PRELID2: variants seen among roughly 807,000 people sequenced by gnomAD.
The protein encoded by PRELID2 is PRELI domain containing 2.
PRELID2 carries 25 observed loss-of-function variants against 28.4 expected under a neutral mutation model. The ratio of observed to expected loss-of-function variants is 0.88; its 90% CI spans 0.64 to 1.23. The LOEUF is 1.23. Ranked by LOEUF, PRELID2 falls within the 50% of genes most tolerant of loss-of-function variation. The pLI is 0.00. For synonymous variants in PRELID2, 76 were observed against 71.6 expected (o/e 1.06, Z -0.31); for missense variants, 201 against 214.4 (o/e 0.94, Z 0.39).
chr5:145,534,461 A>G (rs1752682603), intron 1 of PRELID2, among the ~76,000 whole-genome samples: 2 of 152,076 alleles, frequency 1.3e-5, no homozygotes. Flanking sequence ...CACCATTTAC[A>G]CAAATTATTT....
the PRELID2 span, among the ~76,000 whole-genome samples, chr5:145,287,391 G>A: frequency 2.6e-5 from 4 of 151,948 alleles, no homozygotes; most frequent in Non-Finnish European, 5.9e-5. Flanking sequence ...CTCTCCCTTC[G>A]TCTTGTGATC....
At chr5:145,622,597 T>C (rs535049387) in intron 1 of PRELID2, among the ~76,000 whole-genome samples, 13 of 152,132 alleles carry the variant, frequency 8.5e-5, no homozygotes, top group Admixed American at 7.9e-4. Context: ...TGGGCAAAAA[T>C]AGCATAAACT....
rs114624314 is a variant in PRELID2, at chr5:145,832,493, T to C, written c.75+2684A>G. Among the ~76,000 whole-genome samples the C allele has an allele frequency of 5.5e-3, 842 of 152,272 alleles. 5 individuals are homozygous for C. Among genetic ancestry groups the C allele is most frequent in the African/African-American group, 0.02 (813 of 41,560 alleles). ...AGCTGCCGTGCCCAGCCGGCAAAGT[T>C]GATTCTGAAACCCTGTATTACCTCA... On this transcript the variant is annotated intron_variant, in intron 1 of 6. Coordinates refer to ENST00000683046, the MANE Select transcript of PRELID2 (RefSeq NM_205846.3).
intron 1 of PRELID2, among the ~76,000 whole-genome samples, chr5:145,566,554 A>G (rs1312367863): frequency 6.6e-6 from 1 of 152,122 alleles, no homozygotes; most frequent in African/African-American, 2.4e-5. Flanking sequence ...GAAAAAGTGA[A>G]AAAGGCCCCA....
At chr5:145,696,981 A>C (rs1484267486) in intron 1 of PRELID2, among the ~76,000 whole-genome samples, 1 of 147,490 alleles carries the variant, frequency 6.8e-6, no homozygotes, top group Non-Finnish European at 1.5e-5. Context: ...CAAATGATAG[A>C]GGCAGGGGGT....
chr5:145,356,778 G>A, the PRELID2 span, among the ~76,000 whole-genome samples: 5 of 152,144 alleles, frequency 3.3e-5, 1 homozygote, highest in African/African-American at 1.2e-4. Flanking sequence ...TGATATGTCA[G>A]GTTTGACCCT....
At chr5:145,455,691 ATTCTGT>A in the PRELID2 span, among the ~76,000 whole-genome samples, 1 of 152,152 alleles carries the variant, frequency 6.6e-6, no homozygotes, top group African/African-American at 2.4e-5. Context: ...TAGGTATTTT[ATTCTGT>A]TTGTAGCAAT....
Position 145,800,614 on chromosome 5 carries a change from T to C in PRELID2, c.369-4067A>G, listed in dbSNP as rs145466724. Among the ~76,000 whole-genome samples, 821 of 152,208 alleles carry C rather than the reference T, an allele frequency of 5.4e-3. 8 individuals carry two copies. Among genetic ancestry groups the C allele is most frequent in the East Asian group, 0.018 (95 of 5,176 alleles). ...GAGGGATTAATAAGAGTCTCTTACA[T>C]CATATTCTAACCAATATTTCTTTCT... On this transcript the variant is annotated intron_variant, in intron 4 of 6. Coordinates refer to ENST00000683046, the MANE Select transcript of PRELID2 (RefSeq NM_205846.3).
At chr5:145,508,298 T>TA (rs202174102) in intron 1 of PRELID2, among the ~76,000 whole-genome samples, 1 of 94,916 alleles carries the variant, frequency 1.1e-5, no homozygotes, top group African/African-American at 4.1e-5. Flanking sequence ...ATAGATAGAT[T>TA]AAAAAATGTA....
chr5:145,700,300 G>A (rs1352550966), intron 1 of PRELID2, among the ~76,000 whole-genome samples: 1 of 151,266 alleles, frequency 6.6e-6, no homozygotes, highest in African/African-American at 2.4e-5. Flanking sequence ...ACATGACCTC[G>A]GGCAACTTCA....
At chr5:145,755,545 T>C (rs548497195), downstream of PRELID2, among the ~76,000 whole-genome samples, 76 of 152,344 alleles carry the variant, frequency 5.0e-4, no homozygotes, top group African/African-American at 1.5e-3. Context: ...AAAGACTGCA[T>C]TGACCTGGTT....
chr5:145,665,886 C>T (rs1201371369), intron 1 of PRELID2, among the ~76,000 whole-genome samples: 1 of 150,446 alleles, frequency 6.6e-6, no homozygotes, highest in Non-Finnish European at 1.5e-5. Context: ...TATTATGGCA[C>T]TTTTTATATC....
intron 4 of PRELID2, among the ~76,000 whole-genome samples, chr5:145,801,532 G>A (rs1003098100): frequency 6.6e-6 from 1 of 152,048 alleles, no homozygotes; most frequent in East Asian, 1.9e-4. Flanking sequence ...CTTACTCCTC[G>A]AAACCCAGTA....
chr5:145,380,403 A>C, the PRELID2 span, among the ~76,000 whole-genome samples: 1 of 152,082 alleles, frequency 6.6e-6, no homozygotes, highest in African/African-American at 2.4e-5. Context: ...TGGTACCTTG[A>C]TGGGAGCTGT....
At chr5:145,358,994 C>A in the PRELID2 span, among the ~76,000 whole-genome samples, 1 of 152,152 alleles carries the variant, frequency 6.6e-6, no homozygotes. Context: ...TGGGCACCTG[C>A]CCATCAAAAA....
chr5:145,700,059 C>T (rs1229808672), intron 1 of PRELID2, among the ~76,000 whole-genome samples: 1 of 152,120 alleles, frequency 6.6e-6, no homozygotes, highest in Non-Finnish European at 1.5e-5. Flanking sequence ...TCTCTGTGGT[C>T]ACTTAATTCC....
chr5:145,418,881 A>T, the PRELID2 span, among the ~76,000 whole-genome samples: 1 of 140,102 alleles, frequency 7.1e-6, no homozygotes, highest in African/African-American at 2.7e-5. Context: ...CCTCCCCCCT[A>T]CCCCCACCCC....
chr5:145,314,558 A>T, the PRELID2 span, among the ~76,000 whole-genome samples: 1 of 151,016 alleles, frequency 6.6e-6, no homozygotes, highest in South Asian at 2.1e-4. Context: ...AGGAACTTTT[A>T]TTTTTTTTTC....
intron 1 of PRELID2, among the ~76,000 whole-genome samples, chr5:145,743,082 C>T (rs1415501823): frequency 1.3e-5 from 2 of 151,954 alleles, no homozygotes; most frequent in Admixed American, 1.3e-4. Flanking sequence ...GCTAAAATGA[C>T]GGACTAGAAA....
Sources: allele counts gnomAD v4.1 joint callset (sites outside exome capture counted in the v4.1 genomes callset), GRCh38; gene constraint gnomAD v4.1.1; transcripts MANE v1.5; gene names NCBI Gene and HGNC (gene_info 2026-07-23, HGNC 2026-07-21).